MDGA2: variants seen among roughly 807,000 people sequenced by gnomAD.
MDGA2 encodes the protein MAM domain containing glycosylphosphatidylinositol anchor 2, also known as MAM domain-containing glycosylphosphatidylinositol anchor protein 2.
In MDGA2, 40 loss-of-function variants were observed where a neutral mutation model predicts 117.8. The ratio of observed to expected loss-of-function variants is 0.34; its 90% CI spans 0.26 to 0.44. The LOEUF is 0.44. MDGA2 is among the 20% of genes least tolerant of loss of function. The probability of loss-of-function intolerance (pLI) is 1.00; values close to 1 mark genes in which losing one functional copy is unlikely to be tolerated. For synonymous variants in MDGA2, 452 were observed against 439.0 expected, an observed-to-expected ratio of 1.03 and a Z score of -0.37; for missense variants, 1,123 against 1,250.6, an observed-to-expected ratio of 0.90 and a Z score of 1.54.
intron 1 of MDGA2, among the ~76,000 whole-genome samples, chr14:47,424,236 C>T (rs1005069491): frequency 2.0e-5 from 3 of 152,002 alleles, no homozygotes; most frequent in African/African-American, 7.2e-5. Context: ...GTCTGGGTAA[C>T]ATGGAGAAAC....
Position 46,882,366 on chromosome 14 carries a change from T to C in MDGA2, c.2239-145A>G, listed in dbSNP as rs182283317. 2,748 of 654,544 alleles carry C rather than the reference T, an allele frequency of 4.2e-3. 14 individuals carry two copies. The highest frequency in any genetic ancestry group is 5.4e-3 in the Non-Finnish European group (2,238 of 416,012). 40.5% of individuals were successfully genotyped at this position (654,544 alleles called of 1,614,324 possible). Reference sequence around the variant, plus strand: ...ATTATTAAAGTTCAAGTTTCTATAATGATAAACAAATTTTGAGATGTTTGC... The same window carrying C: ...ATTATTAAAGTTCAAGTTTCTATAACGATAAACAAATTTTGAGATGTTTGC... On this transcript the variant is annotated intron_variant, in intron 10 of 16. Coordinates refer to ENST00000399232, the MANE Select transcript of MDGA2 (RefSeq NM_001113498.3).
intron 3 of MDGA2, among the ~76,000 whole-genome samples, chr14:47,177,811 A>T (rs1002021722): frequency 1.6e-4 from 25 of 152,150 alleles, no homozygotes; most frequent in Admixed American, 3.3e-4. Context: ...AAAATAAAAT[A>T]AAAATTAAAA....
At chr14:47,654,442 A>G (rs564684657) in intron 1 of MDGA2, among the ~76,000 whole-genome samples, 1 of 152,056 alleles carries the variant, frequency 6.6e-6, no homozygotes, top group Non-Finnish European at 1.5e-5. Context: ...CTGCTGGCCA[A>G]CTGGCTAATA....
Position 47,035,198 on chromosome 14 carries a change from G to C in MDGA2, c.1632C>G (p.Ile544Met). 1 of 1,614,098 alleles carries C rather than the reference G, an allele frequency of 6.2e-7. No homozygotes were observed. Among genetic ancestry groups the C allele is most frequent in the Non-Finnish European group, 8.5e-7 (1 of 1,179,984 alleles). The stretch of plus-strand genomic sequence containing the variant: ...CTTCTTTATCCGCTCTAGACCAAAG[G>C]ATGATTGGTTTAGGTTTGCCAGTTA... ...CQVTGKPKPIILWSRADKEVA... is the reference protein window; with the variant it reads ...CQVTGKPKPIMLWSRADKEVA... Residue 544 changes from isoleucine to methionine, a missense_variant, in exon 8 of 17, where the codon ATC (isoleucine) becomes ATG (methionine). Around this residue, in one of 2 missense-constraint regions of MDGA2, gnomAD observed 890 missense variants for 1,050.3 expected, o/e 0.85. Coordinates refer to ENST00000399232, the MANE Select transcript of MDGA2 (RefSeq NM_001113498.3).
intron 10 of MDGA2, among the ~76,000 whole-genome samples, chr14:46,905,321 A>C (rs1034858687): frequency 6.6e-6 from 1 of 152,150 alleles, no homozygotes; most frequent in Admixed American, 6.5e-5. Flanking sequence ...CTGTGACAAA[A>C]TAAGTACTAA....
At chr14:47,377,893 G>T (rs1172553664) in intron 1 of MDGA2, among the ~76,000 whole-genome samples, 1 of 152,192 alleles carries the variant, frequency 6.6e-6, no homozygotes, top group Non-Finnish European at 1.5e-5. Flanking sequence ...TGAGATCTGA[G>T]AACAGACAGA....
chr14:47,626,821 C>T (rs1328866464), intron 1 of MDGA2, among the ~76,000 whole-genome samples: 1 of 152,254 alleles, frequency 6.6e-6, no homozygotes, highest in African/African-American at 2.4e-5. Context: ...CCTGCGCCGC[C>T]AGAGCCTCCT....
chr14:46,878,496 T>C (rs1424591978), intron 11 of MDGA2, among the ~76,000 whole-genome samples: 1 of 152,052 alleles, frequency 6.6e-6, no homozygotes, highest in Admixed American at 6.6e-5. Flanking sequence ...AGTAATAAAC[T>C]CTGACGGGCA....
intron 1 of MDGA2, among the ~76,000 whole-genome samples, chr14:47,401,742 G>A (rs1473226051): frequency 6.6e-6 from 1 of 152,108 alleles, no homozygotes; most frequent in Non-Finnish European, 1.5e-5. Context: ...AGGCCATGTC[G>A]CCAGCACAAT....
chr14:46,888,823 C>T (rs1882766803), intron 10 of MDGA2, among the ~76,000 whole-genome samples: 1 of 151,288 alleles, frequency 6.6e-6, no homozygotes, highest in African/African-American at 2.4e-5. Context: ...CAACTGAATA[C>T]AAGGCATATA....
chr14:47,335,101 G>A (rs1248642243), intron 1 of MDGA2, among the ~76,000 whole-genome samples: 2 of 151,606 alleles, frequency 1.3e-5, no homozygotes, highest in Admixed American at 1.3e-4. Flanking sequence ...AGCTATTACT[G>A]AATACCTACT....
intron 1 of MDGA2, among the ~76,000 whole-genome samples, chr14:47,669,741 G>A (rs1898041163): frequency 6.6e-6 from 1 of 152,056 alleles, no homozygotes; most frequent in Non-Finnish European, 1.5e-5. Flanking sequence ...GCTTCACATT[G>A]ATTTTTTAAC....
chr14:47,540,502 T>TTGTATA (rs1372900701), intron 1 of MDGA2, among the ~76,000 whole-genome samples: 3 of 131,162 alleles, frequency 2.3e-5, no homozygotes, highest in Non-Finnish European at 3.2e-5. Context: ...GTGTGTGTGT[T>TTGTATA]TGTATATGTA....
chr14:47,447,954 T>G (rs1313770102), intron 1 of MDGA2, among the ~76,000 whole-genome samples: 3 of 151,984 alleles, frequency 2.0e-5, no homozygotes, highest in Admixed American at 6.6e-5. Flanking sequence ...CCTAAAACGC[T>G]TGTATTTTCC....
intron 1 of MDGA2, among the ~76,000 whole-genome samples, chr14:47,395,827 T>C (rs141909075): frequency 2.8e-4 from 43 of 152,290 alleles, no homozygotes; most frequent in Middle Eastern, 3.4e-3. Context: ...GTCACCATTT[T>C]GTTTAAGTTT....
At chr14:47,460,941 G>C (rs1401996371) in intron 1 of MDGA2, among the ~76,000 whole-genome samples, 2 of 151,938 alleles carry the variant, frequency 1.3e-5, no homozygotes, top group Non-Finnish European at 2.9e-5. Context: ...AAATAAGAAA[G>C]GTATAGATTG....
chr14:47,377,900 C>G (rs1018068741), intron 1 of MDGA2, among the ~76,000 whole-genome samples: 1 of 152,216 alleles, frequency 6.6e-6, no homozygotes, highest in Non-Finnish European at 1.5e-5. Flanking sequence ...TGAGAACAGA[C>G]AGACTGCCTC....
chr14:47,492,259 G>A (rs991152830), intron 1 of MDGA2, among the ~76,000 whole-genome samples: 1 of 152,082 alleles, frequency 6.6e-6, no homozygotes. Context: ...ATTTGCCATG[G>A]TTTTTGGTGT....
intron 1 of MDGA2, among the ~76,000 whole-genome samples, chr14:47,316,789 C>G (rs1334686104): frequency 6.6e-6 from 1 of 151,944 alleles, no homozygotes; most frequent in Non-Finnish European, 1.5e-5. Context: ...TCCAAACAAG[C>G]TATTATAAAA....
Sources: gnomAD v4.1 joint callset for allele counts (sites outside exome capture counted in the v4.1 genomes callset) on GRCh38, gnomAD v4.1.1 for gene constraint, gnomAD v4.1.1 regional missense constraint, MANE v1.5 for transcripts, NCBI Gene and HGNC (gene_info 2026-07-23, HGNC 2026-07-21) for gene names.